The following CERS4 variants were observed in gnomAD, a reference collection of about 807,000 sequenced individuals.
The protein encoded by CERS4 is LAG1 homolog, ceramide synthase 4.
CERS4 carries 65 observed loss-of-function variants against 51.8 expected under a neutral mutation model. That is an observed-to-expected ratio of 1.26 (90% CI 1.03 to 1.54). The LOEUF (loss-of-function observed/expected upper bound fraction) is 1.54. Among genes scored for constraint, CERS4 ranks in the 40% most tolerant of loss-of-function variants. The pLI is 0.00. For synonymous variants in CERS4, 228 were observed against 208.4 expected (o/e 1.09, Z -0.81); for missense variants, 563 against 500.4 (o/e 1.13, Z -1.19).
At chr19:8,238,091 A>G (rs1178879622) in intron 2 of CERS4, among the ~76,000 whole-genome samples, 1 of 150,988 alleles carries the variant, frequency 6.6e-6, no homozygotes, top group Non-Finnish European at 1.5e-5. Flanking sequence ...GGGACTGCTC[A>G]TTTTTTCCCT....
intron 7 of CERS4, 117 bp from the exon 8 acceptor site, chr19:8,256,501 T>C: frequency 9.3e-7 from 1 of 1,073,000 alleles, no homozygotes; most frequent in Non-Finnish European, 1.4e-6. Context: ...GATGGGGAGC[T>C]CACTCATTGG....
At chr19:8,250,822 C>CCCAA (rs1482115520) in intron 2 of CERS4, 2 of 1,248,686 alleles carry the variant, frequency 1.6e-6, no homozygotes, top group African/African-American at 3.1e-5. Context: ...GGACACACAG[C>CCCAA]CCAACTCTGC....
intron 2 of CERS4, among the ~76,000 whole-genome samples, chr19:8,244,904 G>A (rs1185650867): frequency 2.0e-5 from 3 of 151,810 alleles, no homozygotes; most frequent in South Asian, 2.1e-4. Flanking sequence ...CAGCACTTTC[G>A]GAGGCCAAGA....
intron 2 of CERS4, among the ~76,000 whole-genome samples, chr19:8,246,937 G>A (rs561028631): frequency 2.0e-4 from 30 of 152,176 alleles, no homozygotes; most frequent in Non-Finnish European, 3.4e-4. Context: ...AGGCTGAGGC[G>A]GGCAGATCAC....
intron 2 of CERS4, among the ~76,000 whole-genome samples, chr19:8,247,623 T>C (rs922545017): frequency 6.6e-6 from 1 of 152,134 alleles, no homozygotes; most frequent in Non-Finnish European, 1.5e-5. Flanking sequence ...TCTTGCTATG[T>C]TGCCCAGGCT....
intron 2 of CERS4, among the ~76,000 whole-genome samples, chr19:8,249,688 T>C (rs932757792): frequency 7.4e-6 from 1 of 134,744 alleles, no homozygotes; most frequent in South Asian, 2.5e-4. Context: ...GCCTCCCGGG[T>C]TCAAGCAATT....
chr19:8,246,328 C>T (rs966551575), intron 2 of CERS4, among the ~76,000 whole-genome samples: 4 of 151,662 alleles, frequency 2.6e-5, no homozygotes, highest in Admixed American at 2.0e-4. Context: ...GAGGCCAAGG[C>T]GGGAGGATCG....
intron 2 of CERS4, among the ~76,000 whole-genome samples, chr19:8,234,507 C>A (rs2145219152): frequency 6.7e-6 from 1 of 149,636 alleles, no homozygotes; most frequent in South Asian, 2.1e-4. Context: ...TCAATTTTAA[C>A]TCCCCATTTC....
chr19:8,232,203 A>G (rs1166485796), intron 2 of CERS4, among the ~76,000 whole-genome samples: 1 of 151,874 alleles, frequency 6.6e-6, no homozygotes, highest in East Asian at 1.9e-4. Flanking sequence ...ACCCAGTGCC[A>G]TTTCTTTCTT....
At chr19:8,236,732 T>C (rs889324741) in intron 2 of CERS4, among the ~76,000 whole-genome samples, 194 of 148,588 alleles carry the variant, frequency 1.3e-3, no homozygotes, top group African/African-American at 4.7e-3. Flanking sequence ...CTGGGCGTGG[T>C]GGCTCATGCC....
rs1158944084 is a variant in CERS4, at chr19:8,254,140, GTGAAACCCCGT to G, written c.174-358_174-348del. ...GATCGAGACCATCCTGGCTAACACA[GTGAAACCCCGT>G]CTCTACTAAAAAATACAAAAAATTA... On this transcript the variant is annotated intron_variant, in intron 3 of 11. Coordinates refer to ENST00000251363, the MANE Select transcript of CERS4 (RefSeq NM_024552.3). 2.0e-5 allele frequency among the ~76,000 whole-genome samples: 3 copies of G among 151,676 alleles called. No homozygotes were observed. In the South Asian group the frequency reaches 6.2e-4, roughly 32 times the overall value.
chr19:8,238,766 C>T (rs1466447), intron 2 of CERS4, among the ~76,000 whole-genome samples: 117,772 of 151,978 alleles, frequency 0.77, 46,111 homozygotes, highest in Non-Finnish European at 0.83. Flanking sequence ...GCCCAGCTTA[C>T]GGAGGCTCCT....
At chr19:8,238,807 T>G (rs1259644071) in intron 2 of CERS4, among the ~76,000 whole-genome samples, 1 of 152,024 alleles carries the variant, frequency 6.6e-6, no homozygotes, top group Non-Finnish European at 1.5e-5. Context: ...ATTAAGAAAT[T>G]GCACGCTGAG....
At chr19:8,217,886 T>C (rs955112391) in intron 2 of CERS4, among the ~76,000 whole-genome samples, 6 of 152,176 alleles carry the variant, frequency 3.9e-5, no homozygotes, top group African/African-American at 1.4e-4. Flanking sequence ...CTGGCCAGAC[T>C]GGTCTCGAAC....
chr19:8,251,260 G>A lies in CERS4; in HGVS notation c.173+11G>A, dbSNP rs772360282. On this transcript the variant is annotated intron_variant, in intron 3 of 11. Coordinates refer to ENST00000251363, the MANE Select transcript of CERS4 (RefSeq NM_024552.3). ...CCTTGCCTTTGAGAGGTGAGTGTCTGCCCTGCCGCAATCCATTGCCCCCGC... is the reference window on the plus strand; with the variant it reads ...CCTTGCCTTTGAGAGGTGAGTGTCTACCCTGCCGCAATCCATTGCCCCCGC... 2 of 1,575,060 alleles carry A rather than the reference G, an allele frequency of 1.3e-6. No homozygotes were observed. The highest frequency in any genetic ancestry group is 1.7e-6 in the Non-Finnish European group (2 of 1,162,022).
At position 8,255,659 on chromosome 19, in the gene CERS4, A is replaced by G. The variant is rs1428163153; in HGVS notation, c.344A>G (p.Gln115Arg). 1 of 1,613,188 alleles carries G rather than the reference A, an allele frequency of 6.2e-7. No homozygotes were observed. The highest frequency in any genetic ancestry group is 8.5e-7 in the Non-Finnish European group (1 of 1,179,966). Reference sequence around the variant, plus strand: ...TGTGGCCTCACGCTGCAGCAGACCCAGCGATGGTTCCGGAGACGCCGGAAC... The same window carrying G: ...TGTGGCCTCACGCTGCAGCAGACCCGGCGATGGTTCCGGAGACGCCGGAAC... The part of the protein sequence containing the change: ...AQCGLTLQQT[Q>R]RWFRRRRNQD... The change falls in exon 5 of 12, where the codon CAG becomes CGG. Residue 115 changes from glutamine to arginine, a missense_variant. By Grantham distance (43) the Gln-to-Arg change is conservative. Transcript: ENST00000251363.
intron 9 of CERS4, among the ~76,000 whole-genome samples, chr19:8,257,526 G>A (rs1275367594): frequency 2.0e-5 from 3 of 152,188 alleles, no homozygotes; most frequent in Middle Eastern, 3.2e-3. Flanking sequence ...CTGCCTCCCA[G>A]GTTCAAGTAA....
At chr19:8,244,523 C>G (rs748552739) in intron 2 of CERS4, among the ~76,000 whole-genome samples, 3 of 152,132 alleles carry the variant, frequency 2.0e-5, no homozygotes, top group Non-Finnish European at 2.9e-5. Flanking sequence ...TCTTTTCTGG[C>G]TCCACTTTGG....
At chr19:8,261,558 TG>T in intron 10 of CERS4, 129 bp from the exon 11 acceptor site, 1 of 1,034,044 alleles carries the variant, frequency 9.7e-7, no homozygotes, top group Non-Finnish European at 1.4e-6. Context: ...TTAGGTATCA[TG>T]GGGTGGGGGG....
Sources: gnomAD v4.1 joint callset for allele counts (sites outside exome capture counted in the v4.1 genomes callset) on GRCh38, gnomAD v4.1.1 for gene constraint, MANE v1.5 for transcripts, NCBI Gene and HGNC (gene_info 2026-07-23, HGNC 2026-07-21) for gene names.